Variants in CCT5 observed in about 807,000 individuals in gnomAD.
CCT5 encodes the protein T-complex protein 1 subunit epsilon.
Under a neutral mutation model 55.0 loss-of-function variants are expected in CCT5, and 6 were observed. The ratio of observed to expected loss-of-function variants is 0.11; its 90% CI spans 0.06 to 0.22. The LOEUF (loss-of-function observed/expected upper bound fraction) is 0.22, where lower values mean the gene tolerates loss of function less well. Among genes scored for constraint, CCT5 ranks in the 10% least tolerant of loss-of-function variants. CCT5 has a pLI of 1.00. For missense variants in CCT5, 560 were observed against 694.6 expected (o/e 0.81, Z 2.18); for synonymous variants, 231 against 243.7 (o/e 0.95, Z 0.49).
At chr5:10,249,927 A>C (rs1260055165), upstream of CCT5, 119 of 914,940 alleles carry the variant, frequency 1.3e-4, 2 homozygotes, top group African/African-American at 1.8e-3. Flanking sequence ...AAAAAAAAAA[A>C]AAAAAAACCG....
At chr5:10,253,115 C>A (rs1745509599) in intron 1 of CCT5, among the ~76,000 whole-genome samples, 1 of 151,980 alleles carries the variant, frequency 6.6e-6, no homozygotes, top group African/African-American at 2.4e-5. Context: ...CACCTGAGGT[C>A]AGGAGTTAAA....
intron 8 of CCT5, 44 bp from the exon 9 acceptor site, chr5:10,262,437 C>T: frequency 6.2e-7 from 1 of 1,611,338 alleles, no homozygotes; most frequent in South Asian, 1.1e-5. Context: ...TCTAAATTGA[C>T]TAGATCTTGA....
At position 10,250,434 on chromosome 5, in the gene CCT5, G is replaced by C. The variant is rs1745319172; in HGVS notation, c.94G>C (p.Glu32Gln). 1 of 1,613,536 alleles carries C rather than the reference G, an allele frequency of 6.2e-7. No individual in the cohort carries two copies. The highest frequency in any genetic ancestry group is 8.5e-7 in the Non-Finnish European group (1 of 1,180,026). ...QDRKSRLMGL[E>Q]ALKSHIMAAK... ...CCGCAAGTCCCGTCTTATGGGACTT[G>C]AGGCCCTCAAGGTAATGGCACAGGG... Residue 32 changes from glutamate to glutamine, a missense_variant, in exon 1 of 11, where the codon GAG (glutamate) becomes CAG (glutamine). By Grantham distance (29) the Glu-to-Gln change is conservative (BLOSUM62 2). This residue lies in a region of CCT5 where 137 missense variants were observed against 181.9 expected (regional missense o/e 0.75). Coordinates refer to ENST00000280326, the MANE Select transcript of CCT5 (RefSeq NM_012073.5).
rs75379749 is a variant in CCT5, at chr5:10,252,330, G to T, written c.106-1815G>T. Among the ~76,000 whole-genome samples, 44 of 152,336 alleles carry T rather than the reference G, an allele frequency of 2.9e-4. 2 individuals are homozygous for T. In the East Asian group the frequency reaches 8.5e-3, roughly 29 times the overall value. On this transcript the variant is annotated intron_variant, in intron 1 of 10. Transcript: ENST00000280326. ...GTAAAAGAAATGTATAGGCCAGGAC[G>T]TGAACGTTTTAATGGTAATGGTCAC...
chr5:10,256,531 T>G (rs1485017229), intron 4 of CCT5, among the ~76,000 whole-genome samples: 1 of 152,032 alleles, frequency 6.6e-6, no homozygotes, highest in Non-Finnish European at 1.5e-5. Context: ...GCCAGGGCAA[T>G]GTAGTGGGAC....
At chr5:10,261,996 C>T in intron 8 of CCT5, 1 of 474,790 alleles carries the variant, frequency 2.1e-6, no homozygotes, top group Non-Finnish European at 3.8e-6. Flanking sequence ...TTTTTAAATA[C>T]TTAAACACAG....
At position 10,265,770 on chromosome 5, in the gene CCT5, C is replaced by CTACT. The variant is rs752108998; in HGVS notation, c.*987_*988insTACT. The CTACT allele has an allele frequency of 2.9e-4, 17 of 58,602 alleles. No homozygotes were observed. The highest frequency in any genetic ancestry group is 7.6e-4 in the Non-Finnish European group (13 of 17,090). 3.6% of individuals were successfully genotyped at this position (58,602 alleles called of 1,614,324 possible). ...GACCCCAGAGTGGCCCAGCTCATCC[C>CTACT]CTACTCTGTTATTTGCTTGTTAATG... On this transcript the variant is annotated 3_prime_UTR_variant, in exon 11 of 11. Coordinates refer to ENST00000280326, the MANE Select transcript of CCT5 (RefSeq NM_012073.5).
rs1037702601 is a variant in CCT5, at chr5:10,258,577, A to AG, written c.873+45dup. 5 of 1,562,986 alleles carry AG rather than the reference A, an allele frequency of 3.2e-6. No individual in the cohort carries two copies. In the African/African-American group the frequency reaches 4.1e-5, roughly 13 times the overall value. On this transcript the variant is annotated intron_variant, in intron 6 of 10. Coordinates refer to ENST00000280326, the MANE Select transcript of CCT5 (RefSeq NM_012073.5). ...TCCTCAGTGGAATTTAAACTCCCAA[A>AG]GGGTACAGTTAGTTAGGTTTGGTTA...
rs1236297337 is a variant in CCT5 at position 10,266,248 on chromosome 5, A to G, written c.*1465A>G. On this transcript the variant is annotated 3_prime_UTR_variant, in exon 11 of 11. Coordinates refer to ENST00000280326, the MANE Select transcript of CCT5 (RefSeq NM_012073.5). The stretch of plus-strand genomic sequence containing the variant: ...TTGTATCAGAAGAGCCACTAAACCA[A>G]TCCCCCTTTCCAAAATTGAACCTCA... 6.6e-6 allele frequency: 1 copy of G among 152,084 alleles called. No homozygotes were observed. The highest frequency in any genetic ancestry group is 1.5e-5 in the Non-Finnish European group (1 of 68,022). 9.4% of individuals were successfully genotyped at this position (152,084 alleles called of 1,614,324 possible).
chr5:10,250,467 C>T (rs1243073179), intron 1 of CCT5, 22 bp downstream of exon 1: 4 of 1,611,544 alleles, frequency 2.5e-6, no homozygotes, highest in Admixed American at 1.7e-5. Flanking sequence ...GGGACCTGCT[C>T]GCGGTGGGCT....
upstream of CCT5, chr5:10,250,176 A>C (rs1745293400): frequency 6.5e-7 from 1 of 1,542,162 alleles, no homozygotes; most frequent in Admixed American, 2.0e-5. Context: ...CGCCGATTCC[A>C]GAAGATACTG....
At chr5:10,254,649 A>G (rs761623982) in intron 2 of CCT5, 25 bp from the exon 3 acceptor site, 4 of 1,613,192 alleles carry the variant, frequency 2.5e-6, no homozygotes, top group Non-Finnish European at 2.5e-6. Flanking sequence ...TTTTTGCGCA[A>G]AGCCTACTAA....
At position 10,258,331 on chromosome 5, in the gene CCT5, A is replaced by G. The variant is rs57137339; in HGVS notation, c.723+28A>G. ...GAGCCATTGCATCTCACAGCTTCGCACTGTTGGTTAACTCTTAATTCCACC... is the reference window on the plus strand; with the variant it reads ...GAGCCATTGCATCTCACAGCTTCGCGCTGTTGGTTAACTCTTAATTCCACC... On this transcript the variant is annotated intron_variant, in intron 5 of 10. Coordinates refer to ENST00000280326, the MANE Select transcript of CCT5 (RefSeq NM_012073.5). 316 of 1,613,996 alleles carry G rather than the reference A, an allele frequency of 2.0e-4. No individual in the cohort carries two copies. In the African/African-American group the frequency reaches 3.8e-3, roughly 19 times the overall value.
chr5:10,254,541 T>G, intron 2 of CCT5, 133 bp from the exon 3 acceptor site: 2 of 796,306 alleles, frequency 2.5e-6, no homozygotes, highest in Non-Finnish European at 2.2e-6. Context: ...ATGCAGCTAC[T>G]ATTTTGTGTA....
upstream of CCT5, chr5:10,250,200 T>C (rs1428871799): frequency 6.5e-7 from 1 of 1,548,596 alleles, no homozygotes; most frequent in Non-Finnish European, 8.7e-7. Flanking sequence ...GGCGTGAAAT[T>C]AGTCTCAGTA....
chr5:10,260,798 G>A lies in CCT5; in HGVS notation c.880G>A (p.Glu294Lys). 3.1e-6 allele frequency: 5 copies of A among 1,613,672 alleles called. No homozygotes were observed. In the South Asian group the frequency reaches 4.4e-5, roughly 14 times the overall value. Residue 294 changes from glutamate (E) to lysine (K), a missense_variant, in exon 7 of 11, where the codon GAG becomes AAG. Glu to Lys is a moderately conservative substitution (Grantham distance 56). Coordinates refer to ENST00000280326, the MANE Select transcript of CCT5 (RefSeq NM_012073.5). ...GTGGTGGTTCTTTTCCCAGATTAAA[G>A]AGACTGGTGCTAACCTAGCAATTTG... ...KFEEMIQQIK[E>K]TGANLAICQW...
chr5:10,264,686 T>C lies in CCT5; in HGVS notation c.1529T>C (p.Leu510Ser). The C allele has an allele frequency of 1.9e-6, 3 of 1,613,784 alleles. No homozygotes were observed. Among genetic ancestry groups the C allele is most frequent in the Non-Finnish European group, 2.5e-6 (3 of 1,179,706 alleles). ...DMKQQHVIETLIGKKQQISLA... is the reference protein window; with the variant it reads ...DMKQQHVIETSIGKKQQISLA... Reference sequence around the variant, plus strand: ...AAGCAACAGCATGTCATAGAAACCTTGATTGGCAAAAAGCAACAGATATCT... The same window carrying C: ...AAGCAACAGCATGTCATAGAAACCTCGATTGGCAAAAAGCAACAGATATCT... The change falls in exon 11 of 11, where the codon TTG (leucine) becomes TCG (serine). Residue 510 changes from leucine (L) to serine (S), a missense_variant. By Grantham distance (145) the Leu-to-Ser change is moderately radical. Around this residue, in one of 4 missense-constraint regions of CCT5, gnomAD observed 115 missense variants for 105.0 expected, o/e 1.10. Transcript: ENST00000280326.
At chr5:10,263,823 C>T (rs1746098929) in intron 10 of CCT5, among the ~76,000 whole-genome samples, 1 of 152,204 alleles carries the variant, frequency 6.6e-6, no homozygotes, top group Admixed American at 6.5e-5. Flanking sequence ...TAAATCAGGC[C>T]ATGTCTGTAA....
intron 1 of CCT5, among the ~76,000 whole-genome samples, chr5:10,251,934 A>G (rs1579444868): frequency 6.6e-6 from 1 of 152,176 alleles, no homozygotes; most frequent in African/African-American, 2.4e-5. Flanking sequence ...GAAGTCGCAC[A>G]CTCTGAGACA....
Sources: gnomAD v4.1 joint callset for allele counts (sites outside exome capture counted in the v4.1 genomes callset) on GRCh38, gnomAD v4.1.1 for gene constraint, gnomAD v4.1.1 regional missense constraint, MANE v1.5 for transcripts, NCBI Gene and HGNC (gene_info 2026-07-23, HGNC 2026-07-21) for gene names.